The following ZEB1 variants were observed in gnomAD, a reference collection of about 807,000 sequenced individuals.
ZEB1 encodes zinc finger E-box-binding homeobox 1.
A neutral mutation model predicts 84.9 loss-of-function variants in ZEB1; 21 were observed. The ratio of observed to expected loss-of-function variants is 0.25; its 90% CI spans 0.18 to 0.36. The LOEUF (loss-of-function observed/expected upper bound fraction) is 0.36, where lower values mean the gene tolerates loss of function less well. Among genes scored for constraint, ZEB1 ranks in the 10% least tolerant of loss-of-function variants. The probability of loss-of-function intolerance (pLI) is 1.00; values close to 1 mark genes in which losing one functional copy is unlikely to be tolerated. For missense variants in ZEB1, 1,104 were observed against 1,330.2 expected (o/e 0.83, Z 2.65); for synonymous variants, 420 against 471.1 (o/e 0.89, Z 1.41).
At chr10:31,444,191 T>G (rs997904431) in intron 1 of ZEB1, among the ~76,000 whole-genome samples, 1 of 143,988 alleles carries the variant, frequency 6.9e-6, no homozygotes, top group Non-Finnish European at 1.5e-5. Flanking sequence ...TCATGTGTTT[T>G]TTGGCTGCAT....
intron 4 of ZEB1, among the ~76,000 whole-genome samples, chr10:31,508,251 G>A (rs1458682263): frequency 6.6e-6 from 1 of 152,094 alleles, no homozygotes; most frequent in Non-Finnish European, 1.5e-5. Context: ...AGGTCCAGTT[G>A]GGCTGATCCT....
intron 1 of ZEB1, among the ~76,000 whole-genome samples, chr10:31,388,742 T>G (rs938050496): frequency 2.6e-5 from 4 of 152,092 alleles, no homozygotes; most frequent in African/African-American, 9.6e-5. Flanking sequence ...TTTTTAATTT[T>G]TATTTGCAAG....
chr10:31,385,987 TA>T (rs1340472642), intron 1 of ZEB1, among the ~76,000 whole-genome samples: 1 of 152,082 alleles, frequency 6.6e-6, no homozygotes, highest in African/African-American at 2.4e-5. Flanking sequence ...CATACGAAAA[TA>T]CATAAGGAAA....
intron 1 of ZEB1, among the ~76,000 whole-genome samples, chr10:31,416,341 G>A (rs1202511175): frequency 1.3e-5 from 2 of 151,870 alleles, no homozygotes; most frequent in African/African-American, 2.4e-5. Context: ...ATTTTTTATG[G>A]CTTACTACTT....
chr10:31,375,060 C>CAT (rs1174721822), intron 1 of ZEB1: 1 of 134,722 alleles, frequency 7.4e-6, no homozygotes, highest in East Asian at 2.0e-4. Context: ...CACACACACA[C>CAT]ACACACACAC....
At chr10:31,429,594 T>G (rs1029531076) in intron 1 of ZEB1, among the ~76,000 whole-genome samples, 6 of 151,784 alleles carry the variant, frequency 4.0e-5, no homozygotes, top group Non-Finnish European at 4.4e-5. Context: ...GCCTAATACC[T>G]GTGTGATGAA....
chr10:31,516,015 G>A (rs1298311309), intron 6 of ZEB1, among the ~76,000 whole-genome samples: 2 of 152,044 alleles, frequency 1.3e-5, no homozygotes, highest in East Asian at 3.9e-4. Context: ...TATTCATTTT[G>A]TCATATTGCA....
intron 1 of ZEB1, among the ~76,000 whole-genome samples, chr10:31,419,373 A>G (rs2055762158): frequency 6.6e-6 from 1 of 152,184 alleles, no homozygotes; most frequent in Non-Finnish European, 1.5e-5. Flanking sequence ...TTTTATCCTC[A>G]GTGTAATGAA....
At chr10:31,413,892 T>C (rs1338278086) in intron 1 of ZEB1, among the ~76,000 whole-genome samples, 1 of 152,216 alleles carries the variant, frequency 6.6e-6, no homozygotes, top group Non-Finnish European at 1.5e-5. Flanking sequence ...TGTTTCTAAC[T>C]GACCCTAAAC....
Position 31,526,696 on chromosome 10 carries a change from T to C in ZEB1, c.2810T>C (p.Ile937Thr), listed in dbSNP as rs2073515472. 1.2e-6 allele frequency: 2 copies of C among 1,614,076 alleles called. No individual in the cohort carries two copies. The highest frequency in any genetic ancestry group is 1.7e-6 in the Non-Finnish European group (2 of 1,180,008). The change falls in exon 9 of 9, where the codon ATC (isoleucine) becomes ACC (threonine). Residue 937 changes from isoleucine to threonine, a missense_variant. Ile to Thr is a moderately conservative substitution (Grantham distance 89). This residue lies in a region of ZEB1 where 53 missense variants were observed against 92.5 expected (regional missense o/e 0.57). Coordinates refer to ENST00000424869, the MANE Select transcript of ZEB1 (RefSeq NM_001174096.2). ...GGTAAAAGACCTCATGAGTGTGGAATCTGTAAAAAGGCATTTAAACACAAA... is the reference window on the plus strand; with the variant it reads ...GGTAAAAGACCTCATGAGTGTGGAACCTGTAAAAAGGCATTTAAACACAAA... ...HTGKRPHECG[I>T]CKKAFKHKHH...
chr10:31,474,247 G>A (rs220040), intron 2 of ZEB1, among the ~76,000 whole-genome samples: 35,446 of 150,080 alleles, frequency 0.24, 9,671 homozygotes, highest in African/African-American at 0.68. Context: ...GTACAGCAAA[G>A]GAAACTACCA....
chr10:31,467,948 C>T (rs978265064), intron 2 of ZEB1, among the ~76,000 whole-genome samples: 1 of 152,132 alleles, frequency 6.6e-6, no homozygotes, highest in Non-Finnish European at 1.5e-5. Context: ...GGCCGGCTGC[C>T]AGGGTGGACA....
Position 31,521,805 on chromosome 10 carries a change from C to G in ZEB1, c.2473C>G (p.Pro825Ala). The change falls in exon 7 of 9, where the codon CCA becomes GCA. Residue 825 changes from proline to alanine, a missense_variant. By Grantham distance (27) the Pro-to-Ala change is conservative. This residue lies in a region of ZEB1 where 531 missense variants were observed against 575.2 expected (regional missense o/e 0.92). Coordinates refer to ENST00000424869, the MANE Select transcript of ZEB1 (RefSeq NM_001174096.2). ...IVAIADQNSV[P>A]CLRALAANKQ... ...GGCCATTGCTGACCAGAACAGTGTT[C>G]CATGCTTAAGAGCGCTAGCTGCCAA... The G allele has an allele frequency of 6.2e-7, 1 of 1,613,832 alleles. No individual in the cohort carries two copies. Among genetic ancestry groups the G allele is most frequent in the Non-Finnish European group, 8.5e-7 (1 of 1,179,824 alleles).
intron 2 of ZEB1, among the ~76,000 whole-genome samples, chr10:31,492,698 A>C (rs1032657267): frequency 2.0e-5 from 3 of 151,780 alleles, no homozygotes; most frequent in Non-Finnish European, 1.5e-5. Context: ...TGTGAATTTC[A>C]AAAAATACAA....
intron 1 of ZEB1, among the ~76,000 whole-genome samples, chr10:31,421,092 G>T (rs1415101540): frequency 6.6e-6 from 1 of 152,088 alleles, no homozygotes; most frequent in Non-Finnish European, 1.5e-5. Flanking sequence ...TGCCTGCCTT[G>T]TACCAATTTA....
At chr10:31,476,879 C>T (rs1349804113) in intron 2 of ZEB1, among the ~76,000 whole-genome samples, 4 of 151,784 alleles carry the variant, frequency 2.6e-5, no homozygotes, top group African/African-American at 7.3e-5. Context: ...TGTTAAAAAC[C>T]CTCAAAAACT....
intron 1 of ZEB1, among the ~76,000 whole-genome samples, chr10:31,378,069 A>G (rs2046979601): frequency 6.7e-6 from 1 of 149,884 alleles, no homozygotes; most frequent in Non-Finnish European, 1.5e-5. Flanking sequence ...ATAAATATCC[A>G]TATATAATAT....
chr10:31,445,729 C>T (rs201590677), intron 1 of ZEB1, among the ~76,000 whole-genome samples: 4 of 113,842 alleles, frequency 3.5e-5, no homozygotes, highest in Admixed American at 2.9e-4. Context: ...TATTGATTTG[C>T]GTATATTGAA....
chr10:31,384,129 C>A (rs1335507627), intron 1 of ZEB1, among the ~76,000 whole-genome samples: 1 of 151,950 alleles, frequency 6.6e-6, no homozygotes, highest in Admixed American at 6.6e-5. Context: ...GCATGTTCCA[C>A]CACTCCTGAC....
Sources: allele counts gnomAD v4.1 joint callset (sites outside exome capture counted in the v4.1 genomes callset), GRCh38; gene constraint gnomAD v4.1.1; regional missense constraint gnomAD v4.1.1; transcripts MANE v1.5; gene names NCBI Gene and HGNC (gene_info 2026-07-23, HGNC 2026-07-21).